PHF24: variants seen among roughly 807,000 people sequenced by gnomAD.
PHF24 encodes PHD finger protein 24, also known as Galpha inhibitory interacting protein.
In PHF24, 25 loss-of-function variants were observed where a neutral mutation model predicts 42.6. The ratio of observed to expected loss-of-function variants is 0.59; its 90% CI spans 0.43 to 0.82. The LOEUF (loss-of-function observed/expected upper bound fraction) is 0.82, where lower values mean the gene tolerates loss of function less well. Ranked by LOEUF, PHF24 falls within the 40% of genes least tolerant of loss-of-function variation. PHF24 has a pLI of 0.00. For synonymous variants in PHF24, 185 were observed against 204.8 expected, an observed-to-expected ratio of 0.90 and a Z score of 0.83; for missense variants, 470 against 538.1, an observed-to-expected ratio of 0.87 and a Z score of 1.25.
the PHF24 span, among the ~76,000 whole-genome samples, chr9:34,829,356 A>G: frequency 6.6e-6 from 1 of 152,136 alleles, no homozygotes; most frequent in Non-Finnish European, 1.5e-5. Context: ...TTGATATCCA[A>G]ATATATATGT....
exon 6 of PHF24, chr9:34,977,116 C>A (rs1310156704): frequency 6.2e-7 from 1 of 1,611,710 alleles, no homozygotes; most frequent in Non-Finnish European, 8.5e-7. Context: ...AGTGAAGGAG[C>A]GGGAGCGAGC....
At chr9:34,722,552 G>A in the PHF24 span, among the ~76,000 whole-genome samples, 1 of 152,216 alleles carries the variant, frequency 6.6e-6, no homozygotes, top group Non-Finnish European at 1.5e-5. Flanking sequence ...ACTGGGTCAA[G>A]GCCTGTGTCA....
At chr9:34,800,787 G>C in the PHF24 span, among the ~76,000 whole-genome samples, 5 of 152,114 alleles carry the variant, frequency 3.3e-5, no homozygotes, top group African/African-American at 1.2e-4. Flanking sequence ...AACACCAAAA[G>C]CAATTGCAAC....
chr9:34,758,992 CCACTCCCCCACTG>C, the PHF24 span, among the ~76,000 whole-genome samples: 1 of 152,202 alleles, frequency 6.6e-6, no homozygotes, highest in South Asian at 2.1e-4. The surrounding 1 kb of genome is among the most constrained non-coding windows in gnomAD (Gnocchi z 4.4). Context: ...AGGCGCATCT[CCACTCCCCCACTG>C]CACTCCACCG....
chr9:34,689,669 C>G, the PHF24 span: 7 of 845,080 alleles, frequency 8.3e-6, no homozygotes, highest in African/African-American at 1.2e-4. This position sits in a 1 kb window ranked among gnomAD's most constrained non-coding sequence, Gnocchi z 4.1. Flanking sequence ...CACTCACACT[C>G]ACACACACCC....
the PHF24 span, among the ~76,000 whole-genome samples, chr9:34,704,478 A>AGT: frequency 0.27 from 41,235 of 150,592 alleles, 6,374 homozygotes; most frequent in South Asian, 0.41. Context: ...TGATTTCATT[A>AGT]GTGTGTGTGT....
the PHF24 span, among the ~76,000 whole-genome samples, chr9:34,764,831 G>C: frequency 6.6e-6 from 1 of 151,418 alleles, no homozygotes; most frequent in Non-Finnish European, 1.5e-5. Flanking sequence ...TCTCTTGTGG[G>C]CATTTAGTGC....
At chr9:34,896,852 A>C in the PHF24 span, among the ~76,000 whole-genome samples, 1 of 152,102 alleles carries the variant, frequency 6.6e-6, no homozygotes, top group Non-Finnish European at 1.5e-5. Context: ...GGTTGGTCTT[A>C]GGCTCAAAAT....
At chr9:34,773,926 G>A in the PHF24 span, among the ~76,000 whole-genome samples, 1 of 152,002 alleles carries the variant, frequency 6.6e-6, no homozygotes, top group East Asian at 1.9e-4. Flanking sequence ...AATAGCATTG[G>A]GTAAAAACTA....
the PHF24 span, among the ~76,000 whole-genome samples, chr9:34,720,509 C>T: frequency 6.6e-6 from 1 of 151,976 alleles, no homozygotes; most frequent in Non-Finnish European, 1.5e-5. Flanking sequence ...GCACTTCCTG[C>T]CCTTTTTCCA....
At chr9:34,970,222 GC>G (rs1301309827) in intron 1 of PHF24, among the ~76,000 whole-genome samples, 1 of 152,172 alleles carries the variant, frequency 6.6e-6, no homozygotes, top group African/African-American at 2.4e-5. Context: ...TTTGCAATGT[GC>G]CCTGTCATGC....
the PHF24 span, among the ~76,000 whole-genome samples, chr9:34,693,676 C>A: frequency 6.6e-6 from 1 of 152,008 alleles, no homozygotes. Context: ...ATAGAGAGAA[C>A]AGGGCATTAA....
chr9:34,975,172 C>T (rs994290182), intron 3 of PHF24, among the ~76,000 whole-genome samples: 1 of 152,022 alleles, frequency 6.6e-6, no homozygotes, highest in Non-Finnish European at 1.5e-5. Context: ...TTGAGGGGCT[C>T]GATAAAGGGT....
At chr9:34,918,149 T>C in the PHF24 span, 1 of 1,513,660 alleles carries the variant, frequency 6.6e-7, no homozygotes, top group Non-Finnish European at 9.2e-7. Context: ...GCATATGCAT[T>C]CCCTGGACTG....
chr9:34,822,923 G>A, the PHF24 span, among the ~76,000 whole-genome samples: 32 of 152,162 alleles, frequency 2.1e-4, no homozygotes, highest in East Asian at 5.6e-3. Context: ...CCGGCCGGGC[G>A]CGGTGGCTCA....
chr9:34,944,867 A>G, the PHF24 span, among the ~76,000 whole-genome samples: 1 of 151,398 alleles, frequency 6.6e-6, no homozygotes, highest in South Asian at 2.1e-4. Flanking sequence ...AGCCTGGGAA[A>G]CATAATGAGA....
chr9:34,764,797 G>A, the PHF24 span, among the ~76,000 whole-genome samples: 3 of 152,038 alleles, frequency 2.0e-5, no homozygotes, highest in Admixed American at 1.3e-4. Flanking sequence ...ATGTTAGGGT[G>A]TCCATTTTGG....
chr9:34,867,658 G>T, the PHF24 span, among the ~76,000 whole-genome samples: 34 of 152,260 alleles, frequency 2.2e-4, no homozygotes, highest in African/African-American at 8.2e-4. Flanking sequence ...AAAGTCTCAG[G>T]GTTGATGCTG....
At chr9:34,814,321 C>G in the PHF24 span, among the ~76,000 whole-genome samples, 6 of 152,290 alleles carry the variant, frequency 3.9e-5, no homozygotes, top group South Asian at 1.2e-3. Flanking sequence ...GAGAGGCAAC[C>G]TGTCCTGGGC....
Sources: allele counts gnomAD v4.1 joint callset (sites outside exome capture counted in the v4.1 genomes callset), GRCh38; gene constraint gnomAD v4.1.1; non-coding constraint Gnocchi (gnomAD v3.1); transcripts MANE v1.5; gene names NCBI Gene and HGNC (gene_info 2026-07-23, HGNC 2026-07-21).